Variants in CRB1 observed in about 807,000 individuals in gnomAD.
The protein encoded by CRB1 is crumbs cell polarity complex component 1, also known as protein crumbs homolog 1.
CRB1 carries 83 observed loss-of-function variants against 120.0 expected under a neutral mutation model. The observed-to-expected ratio is 0.69, with a 90% CI of 0.58 to 0.83. The LOEUF (loss-of-function observed/expected upper bound fraction) is 0.83. Ranked by LOEUF, CRB1 falls within the 40% of genes least tolerant of loss-of-function variation. The probability of loss-of-function intolerance (pLI) is 0.00; values close to 1 mark genes in which losing one functional copy is unlikely to be tolerated. For synonymous variants in CRB1, 625 were observed against 612.5 expected, an observed-to-expected ratio of 1.02 and a Z score of -0.30; for missense variants, 1,699 against 1,687.6, an observed-to-expected ratio of 1.01 and a Z score of -0.12.
intron 9 of CRB1, among the ~76,000 whole-genome samples, chr1:197,437,576 A>G (rs1389925816): frequency 1.3e-5 from 2 of 152,124 alleles, no homozygotes; most frequent in African/African-American, 4.8e-5. Context: ...AAAGCTTCAT[A>G]TTTGCATTGC....
At chr1:197,262,116 A>G in the CRB1 span, among the ~76,000 whole-genome samples, 1 of 152,114 alleles carries the variant, frequency 6.6e-6, no homozygotes, top group Admixed American at 6.6e-5. Context: ...ACTGATGATG[A>G]CTCTAGTATC....
intron 2 of CRB1, among the ~76,000 whole-genome samples, chr1:197,334,941 G>C (rs942436769): frequency 6.6e-6 from 1 of 152,166 alleles, no homozygotes; most frequent in African/African-American, 2.4e-5. Context: ...GTAGGTTAGA[G>C]GGTAATAACT....
intron 2 of CRB1, among the ~76,000 whole-genome samples, chr1:197,330,236 C>T (rs1039866863): frequency 6.6e-6 from 1 of 152,138 alleles, no homozygotes; most frequent in Non-Finnish European, 1.5e-5. Context: ...CCAAATTGAG[C>T]TCATCCATTC....
intron 11 of CRB1, among the ~76,000 whole-genome samples, chr1:197,456,146 A>G (rs537119927): frequency 1.1e-4 from 17 of 152,278 alleles, no homozygotes; most frequent in African/African-American, 4.1e-4. Flanking sequence ...AAGTACTTCT[A>G]TATTTGTTAT....
At chr1:197,254,833 G>A in the CRB1 span, among the ~76,000 whole-genome samples, 5 of 152,002 alleles carry the variant, frequency 3.3e-5, no homozygotes, top group East Asian at 9.7e-4. Context: ...AATTCTAGAA[G>A]TATACATCAA....
At chr1:197,353,561 G>A (rs1356368131) in intron 4 of CRB1, among the ~76,000 whole-genome samples, 2 of 152,122 alleles carry the variant, frequency 1.3e-5, no homozygotes, top group African/African-American at 4.8e-5. Flanking sequence ...AGCACTTTGG[G>A]AGGCCGAGGC....
rs1173036854 is a variant in CRB1 at position 197,402,366 on chromosome 1, T to C, written c.1172-18634T>C. 5.3e-5 allele frequency among the ~76,000 whole-genome samples: 8 copies of C among 152,336 alleles called. No individual in the cohort carries two copies. In the East Asian group the frequency reaches 1.3e-3, roughly 26 times the overall value. On this transcript the variant is annotated intron_variant, in intron 5 of 11. Transcript: ENST00000367400. ...GGACAATGGCCTCCTGCTCCATCCA[T>C]GTTCTCACAAAAGACATTACCTTGT...
At chr1:197,380,059 G>A (rs969811037) in intron 5 of CRB1, among the ~76,000 whole-genome samples, 2 of 152,044 alleles carry the variant, frequency 1.3e-5, no homozygotes, top group African/African-American at 2.4e-5. Context: ...GATTTAATAC[G>A]TCGAAAAAGA....
chr1:197,283,410 G>A (rs1008850506), intron 1 of CRB1, among the ~76,000 whole-genome samples: 3 of 151,520 alleles, frequency 2.0e-5, no homozygotes, highest in Admixed American at 6.6e-5. Context: ...CTTTCCTGCC[G>A]AGTCCCCAAA....
chr1:197,473,723 TA>T (rs1667080791), intron 11 of CRB1, among the ~76,000 whole-genome samples: 3 of 151,972 alleles, frequency 2.0e-5, no homozygotes, highest in Admixed American at 2.0e-4. Context: ...CCAATCCAAA[TA>T]GGGCTGGCCT....
chr1:197,401,633 G>C (rs1240907912), intron 5 of CRB1, among the ~76,000 whole-genome samples: 2 of 152,040 alleles, frequency 1.3e-5, no homozygotes, highest in African/African-American at 4.8e-5. Flanking sequence ...TGGTTTTAAT[G>C]TTTATGACCA....
At chr1:197,355,865 C>T (rs1357611670) in intron 4 of CRB1, among the ~76,000 whole-genome samples, 1 of 152,246 alleles carries the variant, frequency 6.6e-6, no homozygotes, top group Non-Finnish European at 1.5e-5. Flanking sequence ...GGCTGAAGGG[C>T]TCCTCAAGCG....
At chr1:197,276,643 G>A (rs1655224934) in intron 1 of CRB1, among the ~76,000 whole-genome samples, 1 of 151,900 alleles carries the variant, frequency 6.6e-6, no homozygotes, top group Admixed American at 6.6e-5. Context: ...ATATCACAGT[G>A]AATAATATTT....
At chr1:197,431,738 C>A (rs2125493378) in intron 8 of CRB1, among the ~76,000 whole-genome samples, 1 of 152,202 alleles carries the variant, frequency 6.6e-6, no homozygotes, top group African/African-American at 2.4e-5. Context: ...ACTAGTAAGT[C>A]CAGCTCTGAC....
intron 1 of CRB1, among the ~76,000 whole-genome samples, chr1:197,322,061 A>G (rs1029558109): frequency 9.2e-5 from 14 of 152,346 alleles, no homozygotes; most frequent in African/African-American, 3.1e-4. Context: ...TATCCAACAC[A>G]GTAGCCATTA....
chr1:197,387,996 C>A (rs1003071767), intron 5 of CRB1, among the ~76,000 whole-genome samples: 27 of 151,786 alleles, frequency 1.8e-4, no homozygotes, highest in African/African-American at 6.5e-4. Context: ...ATCTCTCTCT[C>A]TCTCTATATA....
rs996444190 is a variant in CRB1, at chr1:197,347,379, A to C, written c.888A>C (p.Thr296=). The C allele has an allele frequency of 6.2e-7, 1 of 1,612,752 alleles. No individual in the cohort carries two copies. The highest frequency in any genetic ancestry group is 1.3e-5 in the African/African-American group (1 of 74,916). Residue 296 remains threonine (T), a synonymous_variant, in exon 4 of 12, where the codon ACA becomes ACC. Transcript: ENST00000367400. Reference sequence around the variant, plus strand: ...GCACGGGTAGTGGATTCACAGGGACACACTGTGAGACCTTGATGCCTCTTT... The same window carrying C: ...GCACGGGTAGTGGATTCACAGGGACCCACTGTGAGACCTTGATGCCTCTTT... The part of the protein sequence containing the change: ...CNCTGSGFTG[T]HCETLMPLCW...
the CRB1 span, among the ~76,000 whole-genome samples, chr1:197,231,777 G>A: frequency 6.6e-6 from 1 of 152,140 alleles, no homozygotes; most frequent in African/African-American, 2.4e-5. Context: ...GAACATTTTG[G>A]TGAGAGGAGT....
intron 5 of CRB1, among the ~76,000 whole-genome samples, chr1:197,383,090 G>A (rs963723708): frequency 6.6e-5 from 10 of 152,132 alleles, no homozygotes; most frequent in Non-Finnish European, 7.3e-5. Context: ...AATCACTCAA[G>A]GGCTTGAATG....
Sources: gnomAD v4.1 joint callset for allele counts (sites outside exome capture counted in the v4.1 genomes callset) on GRCh38, gnomAD v4.1.1 for gene constraint, MANE v1.5 for transcripts, NCBI Gene and HGNC (gene_info 2026-07-23, HGNC 2026-07-21) for gene names.